ITGA4: variants seen among roughly 807,000 people sequenced by gnomAD.
ITGA4 encodes the protein integrin subunit alpha 4.
ITGA4 carries 63 observed loss-of-function variants against 133.6 expected under a neutral mutation model. The ratio of observed to expected loss-of-function variants is 0.47; its 90% CI spans 0.38 to 0.58. ITGA4 has a LOEUF of 0.58. ITGA4 is among the 20% of genes least tolerant of loss of function. The pLI, the probability that ITGA4 is intolerant of heterozygous loss-of-function variation, is 0.00. For missense variants in ITGA4, 1,076 were observed against 1,252.7 expected (o/e 0.86, Z 2.13); for synonymous variants, 483 against 438.0 (o/e 1.10, Z -1.28).
intron 17 of ITGA4, among the ~76,000 whole-genome samples, chr2:181,514,572 C>A (rs953186689): frequency 6.6e-6 from 1 of 151,996 alleles, no homozygotes; most frequent in Non-Finnish European, 1.5e-5. Flanking sequence ...TTATAATCTT[C>A]CCATTTCTGT....
intron 26 of ITGA4, 109 bp downstream of exon 26, chr2:181,534,479 C>T: frequency 1.4e-6 from 1 of 739,426 alleles, no homozygotes; most frequent in Admixed American, 2.3e-5. Flanking sequence ...AGAGTGTGAC[C>T]AGCTCATGGA....
intron 17 of ITGA4, among the ~76,000 whole-genome samples, chr2:181,518,484 A>C (rs1039437392): frequency 6.6e-6 from 1 of 152,142 alleles, no homozygotes; most frequent in African/African-American, 2.4e-5. Context: ...TATAGTCAGA[A>C]TAGTACAAAA....
chr2:181,522,659 C>A (rs1686744888), intron 18 of ITGA4, among the ~76,000 whole-genome samples: 1 of 152,114 alleles, frequency 6.6e-6, no homozygotes, highest in Non-Finnish European at 1.5e-5. Context: ...GCACAAGTAA[C>A]ATTGATCCTC....
In ITGA4 at chr2:181,536,984, A is replaced by G. The variant is rs763295691; in HGVS notation, c.*1457A>G. The G allele has an allele frequency of 2.0e-5, 9 of 452,096 alleles. No individual in the cohort carries two copies. The highest frequency in any genetic ancestry group is 1.4e-4 in the South Asian group (9 of 63,916). The allele number at this position is 452,096 out of a possible 1,614,324, so 28.0% of individuals were successfully genotyped here. ...CCAGCCATCCTAATTGATGAAAGTT[A>G]TCTGTTCACAGGCCTGCAGTGATGG... On this transcript the variant is annotated 3_prime_UTR_variant, in exon 28 of 28. Transcript: ENST00000397033.
chr2:181,522,090 T>C, intron 17 of ITGA4, 101 bp from the exon 18 acceptor site: 1 of 585,910 alleles, frequency 1.7e-6, no homozygotes. Context: ...ATTAGTATTT[T>C]ATGTTCAGCA....
rs1399911794 is a variant in ITGA4 at position 181,529,623 on chromosome 2, A to T, written c.2513A>T (p.Lys838Met). The change falls in exon 23 of 28, where the codon AAG becomes ATG. Residue 838 changes from lysine to methionine, a missense_variant. By Grantham distance (95) the Lys-to-Met change is moderately conservative (BLOSUM62 -1). Coordinates refer to ENST00000397033, the MANE Select transcript of ITGA4 (RefSeq NM_000885.6). ...AATTCTTTTAGCCCCCAAACTGATA[A>T]GCTGTTCAACATTTTGGATGTCCAG... ...VPNSFSPQTD[K>M]LFNILDVQTT... 2 of 1,594,634 alleles carry T rather than the reference A, an allele frequency of 1.3e-6. No individual in the cohort carries two copies. Among genetic ancestry groups the T allele is most frequent in the Non-Finnish European group, 1.7e-6 (2 of 1,162,848 alleles).
chr2:181,487,380 A>G (rs886904197), intron 10 of ITGA4, among the ~76,000 whole-genome samples: 2 of 152,058 alleles, frequency 1.3e-5, no homozygotes, highest in Admixed American at 1.3e-4. Flanking sequence ...CCCTTCCTAG[A>G]AAGGGGACGG....
At chr2:181,458,082 G>A in intron 1 of ITGA4, 114 bp from the exon 2 acceptor site, 6 of 1,426,640 alleles carry the variant, frequency 4.2e-6, no homozygotes, top group South Asian at 2.5e-5. Context: ...GGGGTGGTGG[G>A]CGGAGGAGGA....
intron 14 of ITGA4, among the ~76,000 whole-genome samples, chr2:181,496,371 G>A (rs928502688): frequency 1.3e-5 from 2 of 152,074 alleles, no homozygotes; most frequent in African/African-American, 2.4e-5. Flanking sequence ...GCTACAGCAA[G>A]CTGTCATCAC....
intron 4 of ITGA4, among the ~76,000 whole-genome samples, chr2:181,477,378 A>G (rs747129080): frequency 1.3e-5 from 2 of 152,148 alleles, no homozygotes; most frequent in Non-Finnish European, 2.9e-5. Context: ...ACTATATTAG[A>G]AAGCTCCTGC....
intron 2 of ITGA4, among the ~76,000 whole-genome samples, chr2:181,471,214 C>A (rs575955985): frequency 6.6e-6 from 1 of 152,132 alleles, no homozygotes; most frequent in East Asian, 1.9e-4. Context: ...ATGAAATAAG[C>A]AGAAGATGTT....
rs1686752843 is a variant in ITGA4, at chr2:181,523,113, A to G, written c.2074-324A>G. ...AGATAAATGAAAGCTACAAGTCCAG[A>G]ATTTTTTTTTTGTGGAGAATCTGTT... On this transcript the variant is annotated intron_variant, in intron 18 of 27. Coordinates refer to ENST00000397033, the MANE Select transcript of ITGA4 (RefSeq NM_000885.6). The surrounding 1 kb of genome is among the most constrained non-coding windows in gnomAD (Gnocchi z 4.2). 6.6e-6 allele frequency among the ~76,000 whole-genome samples: 1 copy of G among 151,966 alleles called. No homozygotes were observed. Among genetic ancestry groups the G allele is most frequent in the Non-Finnish European group, 1.5e-5 (1 of 67,960 alleles).
intron 2 of ITGA4, among the ~76,000 whole-genome samples, chr2:181,463,993 T>C (rs973289015): frequency 4.6e-5 from 7 of 152,066 alleles, no homozygotes; most frequent in Non-Finnish European, 7.4e-5. Flanking sequence ...TACTAGAATC[T>C]CTGGGGTAAG....
intron 17 of ITGA4, among the ~76,000 whole-genome samples, chr2:181,521,643 G>A (rs191782654): frequency 0.012 from 1,777 of 152,284 alleles, 10 homozygotes; most frequent in Non-Finnish European, 0.019. Context: ...GAGGTGACCA[G>A]CTGCTTCACA....
chr2:181,498,419 T>A (rs1574397976), intron 14 of ITGA4: 2 of 321,254 alleles, frequency 6.2e-6, no homozygotes, highest in African/African-American at 4.3e-5. Context: ...AGTTCATAAA[T>A]CTTTATAAAA....
intron 2 of ITGA4, among the ~76,000 whole-genome samples, chr2:181,463,736 C>T (rs1022128042): frequency 1.3e-5 from 2 of 151,994 alleles, no homozygotes; most frequent in African/African-American, 4.8e-5. Flanking sequence ...TGATCAGTTC[C>T]ATGTATGGGT....
At chr2:181,490,719 G>C (rs1373048774) in intron 10 of ITGA4, among the ~76,000 whole-genome samples, 3 of 152,136 alleles carry the variant, frequency 2.0e-5, no homozygotes, top group Non-Finnish European at 4.4e-5. Context: ...GTTATACCTT[G>C]TGCCTCAGTT....
Position 181,522,212 on chromosome 2 carries a change from T to A in ITGA4, c.1944T>A (p.Tyr648Ter). ...TTAGGCCCCATGAAAATAAAACATA[T>A]CTTGCTGTTGGGAGTATGAAGACAT... ...GFLKPHENKT[Y>*]LAVGSMKTLM... Residue 648 changes from tyrosine to a stop codon, truncating the protein, a stop_gained, in exon 18 of 28, where the codon TAT becomes TAA. Transcript: ENST00000397033. LOFTEE classifies it high-confidence loss of function. The A allele has an allele frequency of 6.3e-7, 1 of 1,590,584 alleles. No homozygotes were observed. The highest frequency in any genetic ancestry group is 8.6e-7 in the Non-Finnish European group (1 of 1,167,416).
chr2:181,494,817 G>C lies in ITGA4; in HGVS notation c.1339+5G>C. The C allele has an allele frequency of 7.2e-7, 1 of 1,388,220 alleles. No individual in the cohort carries two copies. Among genetic ancestry groups the C allele is most frequent in the Non-Finnish European group, 1.0e-6 (1 of 974,564 alleles). 86.0% of individuals were successfully genotyped at this position (1,388,220 alleles called of 1,614,324 possible). ...CAGATAATAATGGCTATGTAGGTGA[G>C]TAATTAGTTTATCATAATTTATAAA... On this transcript the variant is annotated splice_donor_5th_base_variant and intron_variant, in intron 12 of 27. Coordinates refer to ENST00000397033, the MANE Select transcript of ITGA4 (RefSeq NM_000885.6).
Sources: gnomAD v4.1 joint callset for allele counts (sites outside exome capture counted in the v4.1 genomes callset) on GRCh38, gnomAD v4.1.1 for gene constraint, Gnocchi (gnomAD v3.1) non-coding constraint, MANE v1.5 for transcripts, NCBI Gene and HGNC (gene_info 2026-07-23, HGNC 2026-07-21) for gene names.